Variants in RNF111 observed in about 807,000 individuals in gnomAD.
RNF111 encodes ring finger protein 111.
A neutral mutation model predicts 95.1 loss-of-function variants in RNF111; 17 were observed. The observed-to-expected ratio is 0.18, with a 90% CI of 0.12 to 0.27. The LOEUF is 0.27. RNF111 is among the 10% of genes least tolerant of loss of function. The pLI, the probability that RNF111 is intolerant of heterozygous loss-of-function variation, is 1.00. For synonymous variants in RNF111, 440 were observed against 414.8 expected (o/e 1.06, Z -0.74); for missense variants, 1,189 against 1,210.4 (o/e 0.98, Z 0.26).
intron 6 of RNF111, 94 bp downstream of exon 6, chr15:59,067,177 C>A (rs2042695419): frequency 8.5e-6 from 9 of 1,064,518 alleles, no homozygotes; most frequent in Middle Eastern, 5.4e-4. Context: ...TTCCTTCATT[C>A]CTGTCTCTCT....
At chr15:59,088,989 T>G (rs1248835555) in intron 10 of RNF111, among the ~76,000 whole-genome samples, 1 of 152,154 alleles carries the variant, frequency 6.6e-6, no homozygotes, top group Non-Finnish European at 1.5e-5. Context: ...CTAAACAGTC[T>G]GCAAACAAGA....
intron 2 of RNF111, among the ~76,000 whole-genome samples, chr15:59,041,955 G>C (rs1306711861): frequency 8.4e-6 from 1 of 118,776 alleles, no homozygotes; most frequent in African/African-American, 3.4e-5. Context: ...TGATCAGTCT[G>C]TTCATATTTT....
intron 8 of RNF111, among the ~76,000 whole-genome samples, chr15:59,082,489 CTTT>C (rs1204563365): frequency 6.6e-6 from 1 of 151,926 alleles, no homozygotes; most frequent in Non-Finnish European, 1.5e-5. Context: ...TATGAAAATC[CTTT>C]TTTTTCTTTT....
At chr15:59,075,913 C>G (rs371055660) in intron 6 of RNF111, 41 bp from the exon 7 acceptor site, 25 of 1,594,474 alleles carry the variant, frequency 1.6e-5, no homozygotes, top group Admixed American at 3.4e-5. Context: ...AAATATTTGA[C>G]CAAACTTTAG....
rs1567227584 is a variant in RNF111, at chr15:59,031,145, G to A, written c.323G>A (p.Cys108Tyr). The A allele has an allele frequency of 1.9e-6, 3 of 1,614,166 alleles. No homozygotes were observed. The highest frequency in any genetic ancestry group is 2.5e-6 in the Non-Finnish European group (3 of 1,180,016). Residue 108 changes from cysteine to tyrosine, a missense_variant, in exon 2 of 14, where the codon TGT becomes TAT. Around this residue, in one of 2 missense-constraint regions of RNF111, gnomAD observed 1,024 missense variants for 925.9 expected, o/e 1.11. Transcript: ENST00000348370. ...GCTGGCCCTTCGTATGTGCAGAATT[G>A]TGTTAAAGAAAACCAGGGAATATTA... ...QQAGPSYVQN[C>Y]VKENQGILGL...
intron 5 of RNF111, among the ~76,000 whole-genome samples, chr15:59,059,847 T>C (rs992079457): frequency 6.6e-6 from 1 of 152,236 alleles, no homozygotes; most frequent in Non-Finnish European, 1.5e-5. Context: ...CCCTGTAGCT[T>C]GTGGATTGAC....
In RNF111 at chr15:59,052,218, A is replaced by C. The variant is rs575387324; in HGVS notation, c.881-87A>C. ...GATTTTTATTTTTGCAATGAATTTCATGGTCTTCAAAGTCAAAATAAAAAT... is the reference window on the plus strand; with the variant it reads ...GATTTTTATTTTTGCAATGAATTTCCTGGTCTTCAAAGTCAAAATAAAAAT... On this transcript the variant is annotated intron_variant, in intron 2 of 13. Transcript: ENST00000348370. 1.2e-5 allele frequency: 14 copies of C among 1,178,410 alleles called. No individual in the cohort carries two copies. In the African/African-American group the frequency reaches 2.2e-4, roughly 19 times the overall value. 73.0% of individuals were successfully genotyped at this position (1,178,410 alleles called of 1,614,324 possible).
chr15:59,063,246 A>G (rs1223104282), intron 5 of RNF111, among the ~76,000 whole-genome samples: 1 of 152,200 alleles, frequency 6.6e-6, no homozygotes, highest in Non-Finnish European at 1.5e-5. Flanking sequence ...AGAGATAAAA[A>G]CAGCAAAAGC....
At position 59,067,254 on chromosome 15, in the gene RNF111, T is replaced by A. The variant is rs202215514; in HGVS notation, c.1686+171T>A. On this transcript the variant is annotated intron_variant, in intron 6 of 13. Coordinates refer to ENST00000348370, the MANE Select transcript of RNF111 (RefSeq NM_017610.8). ...TCCCTCCGTTTCCTTTTTTTTTTTT[T>A]AACTCCCTCCCATTCTTCCTTCCTT... Among the ~76,000 whole-genome samples, 7 of 82,354 alleles carry A rather than the reference T, an allele frequency of 8.5e-5. No individual in the cohort carries two copies. The East Asian group carries it at 1.8e-3, about 22-fold the overall frequency. The allele number at this position is 82,354 out of a possible 152,430, so 54.0% of individuals were successfully genotyped here. A position where few individuals can be genotyped will look rare whatever the true frequency, so the allele number is the denominator to read the frequency against.
intron 1 of RNF111, chr15:59,004,087 C>T: frequency 2.0e-6 from 2 of 987,012 alleles, no homozygotes; most frequent in Non-Finnish European, 2.6e-6. Context: ...AAACCCTCTT[C>T]CCAGACTCTT....
intron 5 of RNF111, among the ~76,000 whole-genome samples, chr15:59,059,000 G>A (rs1052229148): frequency 4.6e-5 from 7 of 152,108 alleles, no homozygotes; most frequent in African/African-American, 1.4e-4. Context: ...CCAACAGGCC[G>A]GGTGTGATGG....
intron 5 of RNF111, among the ~76,000 whole-genome samples, chr15:59,062,862 C>G (rs1328179188): frequency 3.3e-5 from 5 of 152,192 alleles, no homozygotes. Context: ...ATAGTTCTTA[C>G]AGTGGGAGGT....
At chr15:58,998,554 A>G (rs892392388) in intron 1 of RNF111, among the ~76,000 whole-genome samples, 7 of 152,240 alleles carry the variant, frequency 4.6e-5, no homozygotes, top group African/African-American at 1.7e-4. Context: ...AAAATGGATT[A>G]GCAAACTAGT....
chr15:59,020,685 A>T (rs1454324591), intron 1 of RNF111, among the ~76,000 whole-genome samples: 7 of 152,156 alleles, frequency 4.6e-5, no homozygotes, highest in Admixed American at 4.6e-4. Context: ...ATTGAAACCT[A>T]TTAGTTGAGA....
intron 1 of RNF111, among the ~76,000 whole-genome samples, chr15:59,028,842 CAG>C (rs2040757460): frequency 6.6e-6 from 1 of 150,824 alleles, no homozygotes; most frequent in East Asian, 1.9e-4. Flanking sequence ...TGTAGCGGTG[CAG>C]TCCCAGCTCA....
chr15:59,020,903 T>G (rs1319561206), intron 1 of RNF111, among the ~76,000 whole-genome samples: 2 of 152,178 alleles, frequency 1.3e-5, no homozygotes, highest in Non-Finnish European at 2.9e-5. Context: ...CCTTCTTTTT[T>G]GTTGTTTTAA....
At chr15:59,038,121 C>T (rs1379485994) in intron 2 of RNF111, among the ~76,000 whole-genome samples, 4 of 152,202 alleles carry the variant, frequency 2.6e-5, no homozygotes, top group Admixed American at 6.6e-5. Flanking sequence ...ACACAACCAT[C>T]GTAGACCTTG....
At chr15:59,066,475 T>A (rs2142075098) in intron 5 of RNF111, among the ~76,000 whole-genome samples, 1 of 152,240 alleles carries the variant, frequency 6.6e-6, no homozygotes, top group South Asian at 2.1e-4. Flanking sequence ...CTGGGCGTGG[T>A]GGTGCATGCC....
chr15:59,031,493 G>A lies in RNF111; in HGVS notation c.671G>A (p.Arg224Lys), dbSNP rs745567058. The A allele has an allele frequency of 6.2e-7, 1 of 1,614,142 alleles. No homozygotes were observed. The highest frequency in any genetic ancestry group is 1.7e-5 in the Admixed American group (1 of 60,018). Residue 224 changes from arginine (R) to lysine (K), a missense_variant, in exon 2 of 14, where the codon AGG (arginine) becomes AAG (lysine). By Grantham distance (26) the Arg-to-Lys change is conservative. Around this residue, in one of 2 missense-constraint regions of RNF111, gnomAD observed 1,024 missense variants for 925.9 expected, o/e 1.11. Coordinates refer to ENST00000348370, the MANE Select transcript of RNF111 (RefSeq NM_017610.8). ...KRFVKNNSSQ[R>K]TQKQKERILM... ...TTTGTAAAAAATAATTCCTCACAGA[G>A]GACACAGAAACAAAAAGAGAGGATA...
Sources: gnomAD v4.1 joint callset for allele counts (sites outside exome capture counted in the v4.1 genomes callset) on GRCh38, gnomAD v4.1.1 for gene constraint, gnomAD v4.1.1 regional missense constraint, MANE v1.5 for transcripts, NCBI Gene and HGNC (gene_info 2026-07-23, HGNC 2026-07-21) for gene names.